Variants in SPAG6 observed in about 807,000 individuals in gnomAD.
The protein encoded by SPAG6 is sperm associated antigen 6.
A neutral mutation model predicts 58.5 loss-of-function variants in SPAG6; 49 were observed. The ratio of observed to expected loss-of-function variants is 0.84; its 90% CI spans 0.67 to 1.06. The LOEUF is 1.06. SPAG6 is among the 50% of genes least tolerant of loss of function. The probability of loss-of-function intolerance (pLI) is 0.00; values close to 1 mark genes in which losing one functional copy is unlikely to be tolerated. For synonymous variants in SPAG6, 233 were observed against 225.6 expected (o/e 1.03, Z -0.29); for missense variants, 560 against 611.3 (o/e 0.92, Z 0.89).
chr10:22,369,914 G>C (rs1270056200), intron 4 of SPAG6, among the ~76,000 whole-genome samples: 1 of 152,188 alleles, frequency 6.6e-6, no homozygotes, highest in African/African-American at 2.4e-5. Flanking sequence ...AGCCTGCTTT[G>C]AGAATTCATC....
chr10:22,406,836 A>G (rs1257721666), intron 9 of SPAG6, among the ~76,000 whole-genome samples: 1 of 151,860 alleles, frequency 6.6e-6, no homozygotes, highest in Non-Finnish European at 1.5e-5. Flanking sequence ...TTGGGTGCAT[A>G]TATATTTAGG....
intron 7 of SPAG6, among the ~76,000 whole-genome samples, chr10:22,391,222 C>T (rs1344442286): frequency 6.6e-6 from 1 of 152,120 alleles, no homozygotes; most frequent in Non-Finnish European, 1.5e-5. Context: ...TATTTATGTA[C>T]TGTTTCAGGA....
At chr10:22,358,123 T>C (rs1254020362) in intron 2 of SPAG6, among the ~76,000 whole-genome samples, 1 of 152,122 alleles carries the variant, frequency 6.6e-6, no homozygotes, top group Non-Finnish European at 1.5e-5. Flanking sequence ...CTGGGTCAAA[T>C]GGTATTTCTA....
chr10:22,407,299 C>T (rs866188733), intron 9 of SPAG6, among the ~76,000 whole-genome samples: 3,145 of 150,600 alleles, frequency 0.021, 95 homozygotes, highest in African/African-American at 0.073. Flanking sequence ...CCATGTTTAG[C>T]GCTTCCTTCA....
At chr10:22,413,427 G>A (rs11012986) in intron 10 of SPAG6, among the ~76,000 whole-genome samples, 2 of 152,044 alleles carry the variant, frequency 1.3e-5, no homozygotes, top group Non-Finnish European at 2.9e-5. Flanking sequence ...CAGCTACTCA[G>A]AAGGCTGAGG....
At chr10:22,389,077 C>A in intron 6 of SPAG6, 83 bp from the exon 7 acceptor site, 1 of 1,178,212 alleles carries the variant, frequency 8.5e-7, no homozygotes, top group Non-Finnish European at 1.2e-6. Flanking sequence ...TTTTTAGGTT[C>A]TAAATAGAGT....
At chr10:22,412,224 C>T (rs1031949636) in intron 10 of SPAG6, among the ~76,000 whole-genome samples, 3 of 152,064 alleles carry the variant, frequency 2.0e-5, no homozygotes, top group Non-Finnish European at 4.4e-5. Flanking sequence ...TTTTCTAATC[C>T]TACATTTATT....
chr10:22,377,049 T>A (rs1833832148), intron 4 of SPAG6, among the ~76,000 whole-genome samples: 1 of 150,066 alleles, frequency 6.7e-6, no homozygotes, highest in Admixed American at 6.7e-5. Flanking sequence ...GGTGACAGAG[T>A]GAGATCCTGC....
chr10:22,353,793 G>A (rs577162394), intron 2 of SPAG6, among the ~76,000 whole-genome samples: 1 of 152,312 alleles, frequency 6.6e-6, no homozygotes, highest in South Asian at 2.1e-4. Flanking sequence ...CAAGATTTGG[G>A]AATGAGGGAT....
At chr10:22,378,055 C>CTTTTTTTTTTTTTTTCTTTTCTTT (rs1833861790) in intron 4 of SPAG6, among the ~76,000 whole-genome samples, 1 of 123,012 alleles carries the variant, frequency 8.1e-6, no homozygotes, top group African/African-American at 3.2e-5. Flanking sequence ...CTTTTCTTTT[C>CTTTTTTTTTTTTTTTCTTTTCTTT]TTTTTTTTTT....
chr10:22,386,733 T>A, intron 4 of SPAG6, 21 bp from the exon 5 acceptor site: 1 of 1,604,954 alleles, frequency 6.2e-7, no homozygotes, highest in Non-Finnish European at 8.5e-7. Context: ...ACTCACTTAA[T>A]TACTTTTCTT....
intron 2 of SPAG6, among the ~76,000 whole-genome samples, chr10:22,355,001 A>G (rs1027119879): frequency 6.6e-6 from 1 of 152,214 alleles, no homozygotes; most frequent in Non-Finnish European, 1.5e-5. Context: ...CTCAAAAAAA[A>G]AAAAAAAGAG....
chr10:22,377,127 C>G (rs1485358528), intron 4 of SPAG6, among the ~76,000 whole-genome samples: 2 of 151,916 alleles, frequency 1.3e-5, no homozygotes, highest in East Asian at 1.9e-4. Flanking sequence ...GCCACTTGCT[C>G]TAGGGGAAGC....
At chr10:22,367,704 AT>A (rs1033213733) in intron 3 of SPAG6, among the ~76,000 whole-genome samples, 1 of 152,114 alleles carries the variant, frequency 6.6e-6, no homozygotes, top group Non-Finnish European at 1.5e-5. Context: ...TATACATTTA[AT>A]TTTTTTAGCG....
In SPAG6 at chr10:22,345,575, G is replaced by A. The variant is rs764853703; in HGVS notation, c.-37G>A. ...GACTCGCAGGCCGAGCGGCTTCCCC[G>A]CAGAGCTCGAGGAGGGCAGACGGCG... On this transcript the variant is annotated 5_prime_UTR_variant, in exon 1 of 11. Transcript: ENST00000376624. The surrounding 1 kb of genome is among the most constrained non-coding windows in gnomAD (Gnocchi z 6.3). 1.3e-5 allele frequency: 20 copies of A among 1,513,164 alleles called. No individual in the cohort carries two copies. The South Asian group carries it at 2.1e-4, about 16-fold the overall frequency. 93.7% of individuals were successfully genotyped at this position (1,513,164 alleles called of 1,614,324 possible).
intron 8 of SPAG6, among the ~76,000 whole-genome samples, chr10:22,396,723 G>A (rs1383499215): frequency 6.6e-6 from 1 of 151,934 alleles, no homozygotes; most frequent in Non-Finnish European, 1.5e-5. Flanking sequence ...AAATAGTGTT[G>A]TTACTTACTG....
At chr10:22,353,243 T>A (rs1430202458) in intron 2 of SPAG6, among the ~76,000 whole-genome samples, 1 of 152,266 alleles carries the variant, frequency 6.6e-6, no homozygotes, top group African/African-American at 2.4e-5. Flanking sequence ...TCCTGTTTAT[T>A]CTTTGTGCTG....
At chr10:22,357,644 CA>C (rs1197531334) in intron 2 of SPAG6, among the ~76,000 whole-genome samples, 1 of 151,582 alleles carries the variant, frequency 6.6e-6, no homozygotes, top group African/African-American at 2.4e-5. Context: ...GCAGGTTTGT[CA>C]CATATGTATA....
chr10:22,370,211 G>A (rs999022329), intron 4 of SPAG6, among the ~76,000 whole-genome samples: 1 of 152,206 alleles, frequency 6.6e-6, no homozygotes, highest in East Asian at 1.9e-4. Flanking sequence ...TATTCCTAAG[G>A]TGGTAAAATT....
Sources: gnomAD v4.1 joint callset for allele counts (sites outside exome capture counted in the v4.1 genomes callset) on GRCh38, gnomAD v4.1.1 for gene constraint, Gnocchi (gnomAD v3.1) non-coding constraint, MANE v1.5 for transcripts, NCBI Gene and HGNC (gene_info 2026-07-23, HGNC 2026-07-21) for gene names.